The following DOCK1 variants were observed in gnomAD, a reference collection of about 807,000 sequenced individuals.
DOCK1 encodes dedicator of cytokinesis protein 1.
DOCK1 carries 138 observed loss-of-function variants against 262.7 expected under a neutral mutation model. The ratio of observed to expected loss-of-function variants is 0.53; its 90% confidence interval spans 0.46 to 0.61. The LOEUF is 0.61. DOCK1 is among the 20% of genes least tolerant of loss of function. DOCK1 has a pLI of 0.00. For missense variants in DOCK1, 1,908 were observed against 2,370.7 expected (o/e 0.80, Z 4.05); for synonymous variants, 866 against 867.4 (o/e 1.00, Z 0.03).
chr10:126,953,566 G>A lies in DOCK1; in HGVS notation c.47-17136G>A, dbSNP rs1157181760. ...GTGGTGGTAGTATTGTTAATCAGTG[G>A]TGATGGCAGGGGAGGTGCTGGTGTT... On this transcript the variant is annotated intron_variant, in intron 1 of 51. Transcript: ENST00000623213. Among the ~76,000 whole-genome samples, 3 of 152,110 alleles carry A rather than the reference G, an allele frequency of 2.0e-5. 1 individual carries two copies. The highest frequency in any genetic ancestry group is 4.8e-5 in the African/African-American group (2 of 41,378).
At chr10:127,390,319 G>A (rs79241658) in intron 38 of DOCK1, among the ~76,000 whole-genome samples, 1,614 of 152,204 alleles carry the variant, frequency 0.011, 27 homozygotes, top group African/African-American at 0.036. Flanking sequence ...TGCGGCCATT[G>A]GGCCCACGTG....
intron 27 of DOCK1, among the ~76,000 whole-genome samples, chr10:127,235,850 C>G (rs917159145): frequency 5.3e-5 from 8 of 151,498 alleles, no homozygotes; most frequent in Non-Finnish European, 1.0e-4. Flanking sequence ...GTGGTTTTAA[C>G]TTGCGTGTTC....
chr10:126,905,561 TG>T lies in DOCK1; in HGVS notation c.46+1del. The T allele has an allele frequency of 2.3e-6, 1 of 443,998 alleles. No homozygotes were observed. Among genetic ancestry groups the T allele is most frequent in the Non-Finnish European group, 4.1e-6 (1 of 245,142 alleles). 27.5% of individuals were successfully genotyped at this position (443,998 alleles called of 1,614,324 possible). A position where few individuals can be genotyped will look rare whatever the true frequency, so the allele number is the denominator to read the frequency against. ...VPTKREEKYG[V>X]AFYNYDARGA... ...ACCAAGCGCGAGGAGAAGTACGGCGTGGGTGAGCAGCGCCGCCGCCGCCGCG... is the reference window on the plus strand; with the variant it reads ...ACCAAGCGCGAGGAGAAGTACGGCGTGGTGAGCAGCGCCGCCGCCGCCGCG... On this transcript the variant is annotated frameshift_variant and splice_region_variant, in exon 1 of 52. Coordinates refer to ENST00000623213, the MANE Select transcript of DOCK1 (RefSeq NM_001290223.2). LOFTEE classifies it high-confidence loss of function.
intron 27 of DOCK1, among the ~76,000 whole-genome samples, chr10:127,190,814 C>A (rs1025502329): frequency 6.6e-6 from 1 of 151,716 alleles, no homozygotes; most frequent in African/African-American, 2.4e-5. Context: ...AGGTTTTACT[C>A]ATAGCTGCCC....
At chr10:126,957,463 C>T (rs1254090931) in intron 1 of DOCK1, among the ~76,000 whole-genome samples, 1 of 152,124 alleles carries the variant, frequency 6.6e-6, no homozygotes, top group Non-Finnish European at 1.5e-5. Context: ...ATGTTCAATC[C>T]AGCCTTATTT....
intron 38 of DOCK1, among the ~76,000 whole-genome samples, chr10:127,401,599 T>TG (rs1246571384): frequency 6.6e-6 from 1 of 152,154 alleles, no homozygotes; most frequent in East Asian, 1.9e-4. Context: ...TTCACATGCT[T>TG]GGGCCCACTC....
At chr10:127,217,992 G>A (rs983995363) in intron 27 of DOCK1, among the ~76,000 whole-genome samples, 1 of 151,764 alleles carries the variant, frequency 6.6e-6, no homozygotes, top group Non-Finnish European at 1.5e-5. Context: ...GCCTTGTTGA[G>A]GATCAGATGG....
chr10:127,288,626 T>C (rs984563733), intron 29 of DOCK1, among the ~76,000 whole-genome samples: 5 of 152,020 alleles, frequency 3.3e-5, no homozygotes, highest in African/African-American at 1.2e-4. Context: ...TTTATATGTG[T>C]AATTTGTCTC....
At chr10:127,208,917 A>G (rs925830767) in intron 27 of DOCK1, among the ~76,000 whole-genome samples, 2 of 152,302 alleles carry the variant, frequency 1.3e-5, no homozygotes, top group Non-Finnish European at 2.9e-5. Context: ...TTCCTTATTA[A>G]TTAAATTTAG....
intron 5 of DOCK1, chr10:126,988,069 C>CAG (rs5788815): frequency 0.65 from 98,610 of 151,106 alleles, 32,529 homozygotes; most frequent in East Asian, 0.79. Flanking sequence ...AGAAAAACAA[C>CAG]AGTCTTCTAG....
chr10:126,949,581 ATC>A (rs2134370219), intron 1 of DOCK1, among the ~76,000 whole-genome samples: 1 of 152,176 alleles, frequency 6.6e-6, no homozygotes, highest in South Asian at 2.1e-4. Flanking sequence ...ACATGGTTGG[ATC>A]TCTCTGTGAT....
chr10:127,242,894 C>T lies in DOCK1; in HGVS notation c.2848-5114C>T, dbSNP rs147901670. 2.8e-4 allele frequency among the ~76,000 whole-genome samples: 43 copies of T among 152,180 alleles called. No individual in the cohort carries two copies. The East Asian group carries it at 7.2e-3, about 25-fold the overall frequency. ...TTCAGGGTTCTCCTTTTATTGAAAC[C>T]GGGCACCTACCGTCCACACTCGTCA... On this transcript the variant is annotated intron_variant, in intron 27 of 51. Transcript: ENST00000623213.
At chr10:126,925,571 A>G (rs2033632561) in intron 1 of DOCK1, among the ~76,000 whole-genome samples, 1 of 152,010 alleles carries the variant, frequency 6.6e-6, no homozygotes, top group Admixed American at 6.6e-5. Context: ...TTTAATAGAG[A>G]CGGGATTTCA....
At chr10:127,306,355 G>A (rs916536046) in intron 29 of DOCK1, among the ~76,000 whole-genome samples, 1 of 152,044 alleles carries the variant, frequency 6.6e-6, no homozygotes, top group Non-Finnish European at 1.5e-5. Flanking sequence ...GAATCAACTC[G>A]AAAACCTCAA....
intron 27 of DOCK1, among the ~76,000 whole-genome samples, chr10:127,224,785 T>G (rs2134476536): frequency 6.6e-6 from 1 of 151,928 alleles, no homozygotes; most frequent in Middle Eastern, 3.5e-3. Flanking sequence ...TATCTGTATA[T>G]TTTTATATTA....
At chr10:127,439,494 C>T (rs965929402) in intron 49 of DOCK1, among the ~76,000 whole-genome samples, 5 of 152,308 alleles carry the variant, frequency 3.3e-5, no homozygotes, top group African/African-American at 4.8e-5. Context: ...TAGGCTCTGC[C>T]GCTCTGTTGG....
intron 29 of DOCK1, among the ~76,000 whole-genome samples, chr10:127,282,105 G>A (rs1262500603): frequency 6.6e-6 from 1 of 152,228 alleles, no homozygotes; most frequent in African/African-American, 2.4e-5. Context: ...TGGGCCACAT[G>A]TGACCTGTGG....
chr10:127,202,108 A>G (rs2057489279), intron 27 of DOCK1, among the ~76,000 whole-genome samples: 1 of 152,064 alleles, frequency 6.6e-6, no homozygotes, highest in South Asian at 2.1e-4. Flanking sequence ...AGATTGCTTG[A>G]GCTCAGGAGT....
At chr10:127,065,054 T>G (rs182168596) in intron 23 of DOCK1, among the ~76,000 whole-genome samples, 1 of 152,132 alleles carries the variant, frequency 6.6e-6, no homozygotes, top group Non-Finnish European at 1.5e-5. Context: ...CAGTCTCCCA[T>G]GCTGGAGGGC....
Sources: allele counts gnomAD v4.1 joint callset (sites outside exome capture counted in the v4.1 genomes callset), GRCh38; gene constraint gnomAD v4.1.1; transcripts MANE v1.5; gene names NCBI Gene and HGNC (gene_info 2026-07-23, HGNC 2026-07-21).